CDH2: variants seen among roughly 807,000 people sequenced by gnomAD.
The protein encoded by CDH2 is cadherin 2.
A neutral mutation model predicts 92.0 loss-of-function variants in CDH2; 17 were observed. That is an observed-to-expected ratio of 0.18 (90% CI 0.13 to 0.28). CDH2 has a LOEUF of 0.28. CDH2 is among the 10% of genes least tolerant of loss of function. The pLI, the probability that CDH2 is intolerant of heterozygous loss-of-function variation, is 1.00. For missense variants in CDH2, 862 were observed against 1,133.1 expected (o/e 0.76, Z 3.44); for synonymous variants, 419 against 415.9 (o/e 1.01, Z -0.09).
intron 2 of CDH2, among the ~76,000 whole-genome samples, chr18:28,101,291 C>A (rs1174341744): frequency 6.6e-6 from 1 of 152,028 alleles, no homozygotes; most frequent in Non-Finnish European, 1.5e-5. Context: ...CCTTCCCATG[C>A]CCTCAAATGT....
chr18:27,998,443 T>C lies in CDH2; in HGVS notation c.1020+4554A>G, dbSNP rs1035542612. Among the ~76,000 whole-genome samples the C allele has an allele frequency of 1.2e-4, 19 of 152,132 alleles. 1 individual carries two copies. Among genetic ancestry groups the C allele is most frequent in the Admixed American group, 1.1e-3 (17 of 15,282 alleles). On this transcript the variant is annotated intron_variant, in intron 7 of 15. Transcript: ENST00000269141. Reference sequence around the variant, plus strand: ...ACACCCAGCCATAAGAGGCAGATAATAGACTTGAACTCAGGTATGGTCAAG... The same window carrying C: ...ACACCCAGCCATAAGAGGCAGATAACAGACTTGAACTCAGGTATGGTCAAG...
intron 14 of CDH2, among the ~76,000 whole-genome samples, chr18:27,980,744 G>A (rs1251441512): frequency 2.0e-5 from 3 of 149,482 alleles, no homozygotes; most frequent in Non-Finnish European, 4.4e-5. Context: ...CTTTGGACTC[G>A]TGGGGAAGTA....
intron 14 of CDH2, among the ~76,000 whole-genome samples, chr18:27,969,124 G>A (rs187227593): frequency 3.3e-5 from 5 of 152,254 alleles, no homozygotes; most frequent in Middle Eastern, 3.4e-3. Context: ...GAAACGATGT[G>A]GAAAACTAAG....
At position 28,169,326 on chromosome 18, in the gene CDH2, G is replaced by A. The variant is rs913052807; in HGVS notation, c.60+7637C>T. Among the ~76,000 whole-genome samples the A allele has an allele frequency of 5.3e-5, 8 of 152,062 alleles. No homozygotes were observed. In the South Asian group the frequency reaches 6.2e-4, roughly 12 times the overall value. On this transcript the variant is annotated intron_variant, in intron 1 of 15. Coordinates refer to ENST00000269141, the MANE Select transcript of CDH2 (RefSeq NM_001792.5). The stretch of plus-strand genomic sequence containing the variant: ...AAGGGCAATCCTTACAACCTTTAAC[G>A]AAAGCAGTAACATCAAAATCCAATA...
At chr18:28,001,619 A>C (rs2012769375) in intron 7 of CDH2, among the ~76,000 whole-genome samples, 1 of 152,226 alleles carries the variant, frequency 6.6e-6, no homozygotes, top group Non-Finnish European at 1.5e-5. Flanking sequence ...GTACTACTTA[A>C]GAAACTAAAC....
At chr18:28,019,334 A>G (rs674839) in intron 2 of CDH2, among the ~76,000 whole-genome samples, 2,858 of 151,906 alleles carry the variant, frequency 0.019, 93 homozygotes, top group African/African-American at 0.066. Flanking sequence ...AAGAAAGAAG[A>G]AAGGAAGGAA....
intron 7 of CDH2, among the ~76,000 whole-genome samples, chr18:28,002,495 T>C (rs2012798100): frequency 1.3e-5 from 2 of 152,228 alleles, no homozygotes; most frequent in African/African-American, 4.8e-5. Context: ...ATCTTTTAAG[T>C]AAATTAATCA....
chr18:27,973,103 T>C (rs561048350), intron 14 of CDH2, among the ~76,000 whole-genome samples: 2 of 152,280 alleles, frequency 1.3e-5, no homozygotes, highest in African/African-American at 4.8e-5. Context: ...CCCCAGGTCA[T>C]AGGAACTGTG....
intron 14 of CDH2, among the ~76,000 whole-genome samples, chr18:27,980,814 C>A (rs889353186): frequency 6.6e-4 from 91 of 137,260 alleles, no homozygotes; most frequent in Admixed American, 1.9e-3. Context: ...AAAAAAAAAA[C>A]CCCAAAAGCC....
intron 2 of CDH2, among the ~76,000 whole-genome samples, chr18:28,020,976 A>T (rs551568091): frequency 6.6e-6 from 1 of 152,118 alleles, no homozygotes; most frequent in African/African-American, 2.4e-5. Context: ...TTAAGTTGAA[A>T]AAGTATAACA....
chr18:27,991,287 A>C (rs2012406987), intron 9 of CDH2, among the ~76,000 whole-genome samples: 1 of 152,214 alleles, frequency 6.6e-6, no homozygotes, highest in African/African-American at 2.4e-5. Flanking sequence ...AGAATGATCG[A>C]GAGGTGACGC....
At chr18:28,171,467 C>T (rs1451131302) in intron 1 of CDH2, among the ~76,000 whole-genome samples, 1 of 152,038 alleles carries the variant, frequency 6.6e-6, no homozygotes, top group Non-Finnish European at 1.5e-5. Context: ...TAATATTACA[C>T]TTACCTTCCT....
chr18:27,977,069 G>C (rs141647055), intron 14 of CDH2, among the ~76,000 whole-genome samples: 2 of 152,190 alleles, frequency 1.3e-5, no homozygotes, highest in East Asian at 3.9e-4. Context: ...TACTAATGAG[G>C]GTAATTAAAC....
chr18:28,114,431 A>T (rs577007801), intron 2 of CDH2, among the ~76,000 whole-genome samples: 1 of 152,212 alleles, frequency 6.6e-6, no homozygotes, highest in East Asian at 1.9e-4. Context: ...TATTTTTTCT[A>T]TTGGTCCTCA....
At chr18:28,172,385 A>G (rs1313834022) in intron 1 of CDH2, among the ~76,000 whole-genome samples, 3 of 152,198 alleles carry the variant, frequency 2.0e-5, no homozygotes, top group African/African-American at 4.8e-5. Context: ...ATTAATATGT[A>G]TATACCTCTT....
At chr18:28,011,101 A>T (rs895311886) in intron 4 of CDH2, among the ~76,000 whole-genome samples, 7 of 151,886 alleles carry the variant, frequency 4.6e-5, no homozygotes, top group African/African-American at 1.7e-4. Context: ...GGCTTATTTT[A>T]AAAAAAAGGC....
chr18:28,117,619 C>A (rs2015517328), intron 2 of CDH2, among the ~76,000 whole-genome samples: 1 of 152,104 alleles, frequency 6.6e-6, no homozygotes, highest in Non-Finnish European at 1.5e-5. Context: ...CAGATGTGTG[C>A]ACAAATCCCA....
chr18:28,097,587 A>T (rs532578233), intron 2 of CDH2, among the ~76,000 whole-genome samples: 3 of 152,310 alleles, frequency 2.0e-5, no homozygotes, highest in African/African-American at 7.2e-5. Context: ...ATATTGCAAA[A>T]AGTACAGTAT....
intron 1 of CDH2, among the ~76,000 whole-genome samples, chr18:28,156,683 C>T (rs139873247): frequency 2.1e-4 from 12 of 56,770 alleles, no homozygotes; most frequent in East Asian, 5.0e-4. Flanking sequence ...TTCCCAGGTA[C>T]AGCATGTCAC....
Sources: gnomAD v4.1 joint callset for allele counts (sites outside exome capture counted in the v4.1 genomes callset) on GRCh38, gnomAD v4.1.1 for gene constraint, MANE v1.5 for transcripts, NCBI Gene and HGNC (gene_info 2026-07-23, HGNC 2026-07-21) for gene names.